The following LRRC36 variants were observed in gnomAD, a reference collection of about 807,000 sequenced individuals.
LRRC36 encodes the protein leucine-rich repeat-containing protein 36.
Under a neutral mutation model 81.1 loss-of-function variants are expected in LRRC36, and 62 were observed. The ratio of observed to expected loss-of-function variants is 0.76; its 90% CI spans 0.62 to 0.94. The LOEUF is 0.94. LRRC36 is among the 40% of genes least tolerant of loss of function. The pLI is 0.00. For missense variants in LRRC36, 761 were observed against 881.7 expected (o/e 0.86, Z 1.73); for synonymous variants, 334 against 348.6 (o/e 0.96, Z 0.47).
In LRRC36 at chr16:67,364,174, G is replaced by A. The variant is rs561864294; in HGVS notation, c.702+460G>A. 6.6e-5 allele frequency among the ~76,000 whole-genome samples: 10 copies of A among 152,268 alleles called. No individual in the cohort carries two copies. The East Asian group carries it at 1.9e-3, about 29-fold the overall frequency. ...ATAACAGAAAAAGTAAAGTTTAAGG[G>A]GTAAAGATGGCATGGAAGTTGTGGG... is the stretch of plus-strand genomic sequence containing the variant. On this transcript the variant is annotated intron_variant, in intron 6 of 13. Coordinates refer to ENST00000329956, the MANE Select transcript of LRRC36 (RefSeq NM_018296.6).
At chr16:67,353,807 T>G (rs972682870) in intron 5 of LRRC36, among the ~76,000 whole-genome samples, 2 of 152,226 alleles carry the variant, frequency 1.3e-5, no homozygotes, top group Non-Finnish European at 2.9e-5. Flanking sequence ...GCCCTAGTTA[T>G]GCAGTAAGTG....
chr16:67,329,805 C>G (rs2037389156), intron 1 of LRRC36, among the ~76,000 whole-genome samples: 1 of 152,032 alleles, frequency 6.6e-6, no homozygotes, highest in African/African-American at 2.4e-5. Flanking sequence ...GTAATCCCAA[C>G]TACTTGGGAG....
rs1382100520 is a variant in LRRC36 at position 67,363,662 on chromosome 16, A to G, written c.650A>G (p.Gln217Arg). The G allele has an allele frequency of 6.2e-6, 10 of 1,613,856 alleles. No individual in the cohort carries two copies. The highest frequency in any genetic ancestry group is 8.5e-7 in the Non-Finnish European group (1 of 1,179,862). ...GATTCCCTAAGTACTTCTGCAACTC[A>G]GGGCAATGGTACACGTGATCAGAAA... ...IKDSLSTSATQGNGTRDQKLD... is the reference protein window; with the variant it reads ...IKDSLSTSATRGNGTRDQKLD... The change falls in exon 6 of 14, where the codon CAG becomes CGG. Residue 217 changes from glutamine (Q) to arginine (R), a missense_variant. Gln to Arg is a conservative substitution (Grantham distance 43). This residue lies in a region of LRRC36 where 263 missense variants were observed against 279.3 expected (regional missense o/e 0.94). Coordinates refer to ENST00000329956, the MANE Select transcript of LRRC36 (RefSeq NM_018296.6).
intron 2 of LRRC36, among the ~76,000 whole-genome samples, chr16:67,343,442 A>G (rs541853062): frequency 6.6e-6 from 1 of 152,194 alleles, no homozygotes; most frequent in East Asian, 1.9e-4. Flanking sequence ...CATGCCTGTA[A>G]TCTCAGCACT....
At chr16:67,339,590 T>A (rs1003506643) in intron 1 of LRRC36, among the ~76,000 whole-genome samples, 3 of 152,184 alleles carry the variant, frequency 2.0e-5, no homozygotes, top group Non-Finnish European at 2.9e-5. Context: ...TTCTTACACT[T>A]AGGTGGGAAA....
chr16:67,351,624 T>C (rs952867380), intron 5 of LRRC36, among the ~76,000 whole-genome samples: 1 of 152,144 alleles, frequency 6.6e-6, no homozygotes, highest in African/African-American at 2.4e-5. Context: ...TGAGAATTGC[T>C]TGAACCCGGG....
intron 9 of LRRC36, 142 bp downstream of exon 9, chr16:67,371,384 C>T (rs1237596937): frequency 1.1e-6 from 1 of 944,780 alleles, no homozygotes; most frequent in Non-Finnish European, 1.7e-6. Flanking sequence ...GCTAATACTG[C>T]CAAGCTAACA....
chr16:67,370,020 G>GAGGGAAAAC (rs2039567805), intron 8 of LRRC36, among the ~76,000 whole-genome samples: 1 of 152,154 alleles, frequency 6.6e-6, no homozygotes, highest in Admixed American at 6.5e-5. Context: ...AAGTGATCTA[G>GAGGGAAAAC]TAGAGGGAAA....
Position 67,378,572 on chromosome 16 carries a change from T to C in LRRC36, c.1807-17T>C, listed in dbSNP as rs969358369. On this transcript the variant is annotated splice_polypyrimidine_tract_variant and intron_variant, in intron 11 of 13. Transcript: ENST00000329956. ...TCAGATTCTTAATGTATTTGTATTT[T>C]GTTTTCTAATCTAAAGGAAAGTTTG... is the stretch of plus-strand genomic sequence containing the variant. The C allele has an allele frequency of 1.2e-6, 2 of 1,612,538 alleles. No individual in the cohort carries two copies. Among genetic ancestry groups the C allele is most frequent in the Non-Finnish European group, 1.7e-6 (2 of 1,179,064 alleles).
chr16:67,379,417 A>G (rs970258211), intron 12 of LRRC36, among the ~76,000 whole-genome samples: 10 of 152,028 alleles, frequency 6.6e-5, no homozygotes, highest in African/African-American at 2.4e-4. Context: ...TGTCTCAAGA[A>G]AAATAATAAT....
chr16:67,344,535 A>G lies in LRRC36; in HGVS notation c.199-1721A>G, dbSNP rs537625726. ...CCTTGCCCTAGGAGTTCAAGGCTGC[A>G]GTGAGCCTTGTTCATGCCACTACAC... On this transcript the variant is annotated intron_variant, in intron 2 of 13. Coordinates refer to ENST00000329956, the MANE Select transcript of LRRC36 (RefSeq NM_018296.6). Among the ~76,000 whole-genome samples the G allele has an allele frequency of 2.6e-5, 4 of 152,312 alleles. No individual in the cohort carries two copies. The East Asian group carries it at 7.7e-4, about 29-fold the overall frequency.
intron 8 of LRRC36, among the ~76,000 whole-genome samples, chr16:67,369,275 A>G (rs35529256): frequency 6.6e-6 from 1 of 152,216 alleles, no homozygotes; most frequent in African/African-American, 2.4e-5. Context: ...ATGGAGAGTG[A>G]GAAAGCAGCA....
At chr16:67,349,394 A>G (rs1232122673) in intron 4 of LRRC36, among the ~76,000 whole-genome samples, 8 of 152,172 alleles carry the variant, frequency 5.3e-5, no homozygotes, top group East Asian at 1.9e-4. Context: ...TTATGATTAC[A>G]TGAAATGGTG....
At chr16:67,366,887 A>G in intron 7 of LRRC36, 130 bp from the exon 8 acceptor site, 1 of 693,190 alleles carries the variant, frequency 1.4e-6, no homozygotes. Context: ...CATTGATCAG[A>G]ATTATAAACC....
intron 9 of LRRC36, among the ~76,000 whole-genome samples, chr16:67,373,497 A>G (rs1160095384): frequency 6.6e-6 from 1 of 151,170 alleles, no homozygotes; most frequent in African/African-American, 2.4e-5. Flanking sequence ...ACCTGAAGTC[A>G]GGAGTTTGAG....
intron 6 of LRRC36, 56 bp downstream of exon 6, chr16:67,363,770 A>T (rs2039266947): frequency 1.3e-6 from 2 of 1,563,984 alleles, no homozygotes; most frequent in Non-Finnish European, 1.7e-6. Context: ...AATACTGATA[A>T]TTCAGTGGGC....
intron 5 of LRRC36, among the ~76,000 whole-genome samples, chr16:67,358,393 A>C (rs2038994500): frequency 6.6e-6 from 1 of 152,114 alleles, no homozygotes; most frequent in Non-Finnish European, 1.5e-5. Context: ...CCCAGGCTGC[A>C]GTACAGTGGC....
chr16:67,384,469 T>C (rs2040221929), intron 13 of LRRC36, among the ~76,000 whole-genome samples: 2 of 152,232 alleles, frequency 1.3e-5, no homozygotes, highest in South Asian at 4.1e-4. Flanking sequence ...CAGAGTTCAA[T>C]GCAGCCATGA....
At chr16:67,331,113 G>GAGAGAGAGA in intron 1 of LRRC36, among the ~76,000 whole-genome samples, 1 of 136,248 alleles carries the variant, frequency 7.3e-6, no homozygotes, top group African/African-American at 2.7e-5. Context: ...GAGAGAGAGA[G>GAGAGAGAGA]AAGACTGAAC....
Sources: allele counts gnomAD v4.1 joint callset (sites outside exome capture counted in the v4.1 genomes callset), GRCh38; gene constraint gnomAD v4.1.1; regional missense constraint gnomAD v4.1.1; transcripts MANE v1.5; gene names NCBI Gene and HGNC (gene_info 2026-07-23, HGNC 2026-07-21).